The following ZFP36L1 variants were observed in gnomAD, a reference collection of about 807,000 sequenced individuals.
ZFP36L1 encodes ZFP36 like 1 zinc finger CCCH-type, also known as mRNA decay activator protein ZFP36L1.
A neutral mutation model predicts 16.7 loss-of-function variants in ZFP36L1; 4 were observed. The observed-to-expected ratio is 0.24, with a 90% confidence interval of 0.12 to 0.55. ZFP36L1 has a LOEUF of 0.55. ZFP36L1 is among the 20% of genes least tolerant of loss of function. The pLI is 0.94. For synonymous variants in ZFP36L1, 220 were observed against 190.8 expected (o/e 1.15, Z -1.26); for missense variants, 311 against 449.2 (o/e 0.69, Z 2.78).
intron 1 of ZFP36L1, 114 bp from the exon 2 acceptor site, chr14:68,790,606 T>G: frequency 2.3e-5 from 33 of 1,414,180 alleles, no homozygotes; most frequent in Non-Finnish European, 3.0e-5. Context: ...AACTCATCTC[T>G]ACCTCGGCTC....
chr14:68,795,680 G>C, upstream of ZFP36L1: 2 of 466,366 alleles, frequency 4.3e-6, no homozygotes, highest in Non-Finnish European at 4.4e-6. Context: ...GCTGCGACTG[G>C]CCTAGCCCGC....
chr14:68,792,609 C>T (rs1895122565), intron 1 of ZFP36L1, among the ~76,000 whole-genome samples: 1 of 152,104 alleles, frequency 6.6e-6, no homozygotes, highest in Admixed American at 6.5e-5. Flanking sequence ...GCCCTCCCCC[C>T]GAAGCCCCCG....
chr14:68,794,604 T>C (rs1033540025), upstream of ZFP36L1: 5 of 152,502 alleles, frequency 3.3e-5, no homozygotes, highest in East Asian at 9.4e-4. Context: ...GAGTCTGTTA[T>C]GAAACCCGGT....
At chr14:68,793,566 A>G, upstream of ZFP36L1, 3 of 985,964 alleles carry the variant, frequency 3.0e-6, no homozygotes, top group Non-Finnish European at 3.6e-6. Flanking sequence ...CGGGAGCTGA[A>G]GCCCGTCCTT....
chr14:68,792,834 G>A (rs777753572), intron 1 of ZFP36L1, 48 bp downstream of exon 1: 1 of 1,612,342 alleles, frequency 6.2e-7, no homozygotes, highest in Admixed American at 1.7e-5. Context: ...CTTTCTTAAG[G>A]CAAAAGAAAA....
At chr14:68,791,665 G>C (rs557244368) in intron 1 of ZFP36L1, among the ~76,000 whole-genome samples, 1 of 151,546 alleles carries the variant, frequency 6.6e-6, no homozygotes, top group East Asian at 1.9e-4. Flanking sequence ...AGGGGGGAGG[G>C]GGGCCAAAGA....
intron 1 of ZFP36L1, among the ~76,000 whole-genome samples, chr14:68,791,619 T>A (rs1895072216): frequency 6.9e-6 from 1 of 144,964 alleles, no homozygotes. Context: ...AGTCGAGAGC[T>A]GGTTCCCAAC....
intron 1 of ZFP36L1, among the ~76,000 whole-genome samples, chr14:68,790,819 A>T (rs192630894): frequency 2.8e-4 from 42 of 152,166 alleles, no homozygotes; most frequent in African/African-American, 9.6e-4. Flanking sequence ...AGATTCTTCA[A>T]CTCAAAATAT....
chr14:68,789,904 C>T lies in ZFP36L1; in HGVS notation c.646G>A (p.Ala216Thr). The T allele has an allele frequency of 6.2e-7, 1 of 1,609,236 alleles. No homozygotes were observed. The highest frequency in any genetic ancestry group is 8.5e-7 in the Non-Finnish European group (1 of 1,179,336). ...GTGGGGCTGTCCAGCAGCCCGGTGG[C>T]AGCGGCGGTGGCAGCGGCACTGGGA... Reference protein sequence around the residue: ...GFPSAAATAAATGLLDSPTSI... With the variant: ...GFPSAAATAATTGLLDSPTSI... Residue 216 changes from alanine (A) to threonine (T), a missense_variant, in exon 2 of 2, where the codon GCC becomes ACC. Ala to Thr is a moderately conservative substitution (Grantham distance 58). Transcript: ENST00000439696. The surrounding 1 kb of genome is among the most constrained non-coding windows in gnomAD (Gnocchi z 4.5).
intron 1 of ZFP36L1, 81 bp downstream of exon 1, chr14:68,792,801 C>T: frequency 6.3e-7 from 1 of 1,591,248 alleles, no homozygotes; most frequent in Non-Finnish European, 8.6e-7. Flanking sequence ...CATTGCCTTC[C>T]AAGACCCAAA....
upstream of ZFP36L1, chr14:68,793,728 C>A: frequency 3.0e-6 from 3 of 985,516 alleles, no homozygotes; most frequent in Non-Finnish European, 3.6e-6. Flanking sequence ...TTGGGACGCA[C>A]AGAATGTTCA....
At chr14:68,792,798 T>C in intron 1 of ZFP36L1, 84 bp downstream of exon 1, 2 of 1,587,758 alleles carry the variant, frequency 1.3e-6, no homozygotes, top group South Asian at 1.1e-5. Flanking sequence ...CCCCATTGCC[T>C]TCCAAGACCC....
chr14:68,795,826 C>G (rs150981568), upstream of ZFP36L1: 8 of 538,506 alleles, frequency 1.5e-5, no homozygotes, highest in African/African-American at 1.3e-4. Context: ...GTGAGGGAGC[C>G]GAGAGGAGGG....
chr14:68,796,074 C>T (rs780722402), upstream of ZFP36L1: 4 of 1,354,378 alleles, frequency 3.0e-6, no homozygotes, highest in Non-Finnish European at 3.9e-6. Flanking sequence ...CGCCGCCTCA[C>T]CTGCACTGCC....
intron 1 of ZFP36L1, chr14:68,791,071 G>A (rs1258891261): frequency 1.4e-6 from 1 of 702,048 alleles, no homozygotes; most frequent in South Asian, 1.5e-5. Context: ...TTCTTGTGGG[G>A]AGGAGATTGG....
chr14:68,796,240 G>A (rs1343535795), upstream of ZFP36L1: 1 of 1,366,782 alleles, frequency 7.3e-7, no homozygotes. Flanking sequence ...TTTTGTGCAA[G>A]GGGGAAAGTG....
At chr14:68,793,530 C>T, upstream of ZFP36L1, 1 of 985,864 alleles carries the variant, frequency 1.0e-6, no homozygotes, top group Non-Finnish European at 1.2e-6. Context: ...GGCAGGAAGG[C>T]GGGCTCGACT....
At chr14:68,795,387 G>C (rs936244675), upstream of ZFP36L1, among the ~76,000 whole-genome samples, 8 of 149,686 alleles carry the variant, frequency 5.3e-5, no homozygotes, top group Non-Finnish European at 1.2e-4. Context: ...TGGGGGGACC[G>C]GAGGAGGGGC....
rs1192705594 is a variant in ZFP36L1 at position 68,789,961 on chromosome 14, G to A, written c.589C>T (p.Arg197Cys). The change falls in exon 2 of 2, where the codon CGC (arginine) becomes TGC (cysteine). Residue 197 changes from arginine (R) to cysteine (C), a missense_variant. Around this residue, in one of 4 missense-constraint regions of ZFP36L1, gnomAD observed 147 missense variants for 192.0 expected, o/e 0.77. Coordinates refer to ENST00000439696, the MANE Select transcript of ZFP36L1 (RefSeq NM_004926.4). This position sits in a 1 kb window ranked among gnomAD's most constrained non-coding sequence, Gnocchi z 4.5. ...GARDLSADRP[R>C]LQHSFSFAGF... ...GCAAAGCTAAAGCTATGCTGGAGGC[G>A]GGGACGGTCAGCGGAGAGGTCCCGG... The A allele has an allele frequency of 6.2e-7, 1 of 1,607,232 alleles. No homozygotes were observed. Among genetic ancestry groups the A allele is most frequent in the Non-Finnish European group, 8.5e-7 (1 of 1,177,344 alleles).
Sources: allele counts gnomAD v4.1 joint callset (sites outside exome capture counted in the v4.1 genomes callset), GRCh38; gene constraint gnomAD v4.1.1; regional missense constraint gnomAD v4.1.1; non-coding constraint Gnocchi (gnomAD v3.1); transcripts MANE v1.5; gene names NCBI Gene and HGNC (gene_info 2026-07-23, HGNC 2026-07-21).